NUP98: variants seen among roughly 807,000 people sequenced by gnomAD.
NUP98 encodes the protein nuclear pore complex protein Nup98-Nup96.
A neutral mutation model predicts 191.9 loss-of-function variants in NUP98; 26 were observed. The observed-to-expected ratio is 0.14, with a 90% CI of 0.10 to 0.19. The LOEUF is 0.19. NUP98 is among the 10% of genes least tolerant of loss of function. The pLI, the probability that NUP98 is intolerant of heterozygous loss-of-function variation, is 1.00. For missense variants in NUP98, 1,941 were observed against 2,178.8 expected, an observed-to-expected ratio of 0.89 and a Z score of 2.17; for synonymous variants, 808 against 778.4, an observed-to-expected ratio of 1.04 and a Z score of -0.63.
intron 24 of NUP98, 142 bp downstream of exon 24, chr11:3,700,468 C>T (rs538985687): frequency 7.3e-6 from 4 of 549,920 alleles, no homozygotes; most frequent in African/African-American, 5.8e-5. Context: ...TGGGAATCTG[C>T]TTAGTTAAAC....
At chr11:3,769,763 G>A (rs1032298590) in intron 7 of NUP98, among the ~76,000 whole-genome samples, 1 of 151,870 alleles carries the variant, frequency 6.6e-6, no homozygotes, top group East Asian at 1.9e-4. Flanking sequence ...AGGGCTGGAC[G>A]GCCAGCCATG....
At chr11:3,787,000 C>G (rs2082163786) in intron 1 of NUP98, among the ~76,000 whole-genome samples, 2 of 152,182 alleles carry the variant, frequency 1.3e-5, no homozygotes. Flanking sequence ...CTGTATAGTA[C>G]TTCCTACTTT....
intron 11 of NUP98, among the ~76,000 whole-genome samples, chr11:3,750,654 G>A (rs1589874911): frequency 6.6e-6 from 1 of 151,414 alleles, no homozygotes; most frequent in East Asian, 1.9e-4. Context: ...TTAGGACAGC[G>A]TCTCATTCTG....
chr11:3,705,083 A>G (rs2078818935), intron 22 of NUP98, 117 bp downstream of exon 22: 2 of 878,876 alleles, frequency 2.3e-6, no homozygotes, highest in Middle Eastern at 2.2e-4. Context: ...TGTCACAGGT[A>G]TAGTTGTTTG....
At chr11:3,702,362 CTCTCTCTA>C (rs1468745077) in intron 23 of NUP98, 93 bp downstream of exon 23, 24 of 608,650 alleles carry the variant, frequency 3.9e-5, no homozygotes, top group Non-Finnish European at 5.7e-5. Context: ...CTCTCTCTCT[CTCTCTCTA>C]GAAAGATGAC....
intron 13 of NUP98, 29 bp from the exon 14 acceptor site, chr11:3,731,607 T>C (rs938156560): frequency 1.3e-6 from 2 of 1,492,236 alleles, no homozygotes; most frequent in African/African-American, 1.4e-5. Flanking sequence ...AAGGAAATTT[T>C]TGGTTTACTT....
intron 26 of NUP98, among the ~76,000 whole-genome samples, chr11:3,695,205 A>C (rs1209503653): frequency 6.6e-6 from 1 of 152,240 alleles, no homozygotes; most frequent in East Asian, 1.9e-4. Context: ...TGTGAAGATA[A>C]AATTATTTAT....
chr11:3,781,843 A>G (rs1039235490), intron 2 of NUP98, among the ~76,000 whole-genome samples, 199 bp downstream of exon 2: 2 of 152,178 alleles, frequency 1.3e-5, no homozygotes, highest in Admixed American at 6.5e-5. Context: ...CAATCAGAAG[A>G]AGGCCATGAA....
chr11:3,774,114 G>C (rs972050828), intron 5 of NUP98, among the ~76,000 whole-genome samples: 2 of 152,158 alleles, frequency 1.3e-5, no homozygotes, highest in East Asian at 3.9e-4. Flanking sequence ...AAAAAAATAC[G>C]GAGGGCCAGG....
chr11:3,784,606 C>CCA (rs2082081886), intron 1 of NUP98, among the ~76,000 whole-genome samples: 1 of 93,530 alleles, frequency 1.1e-5, no homozygotes, highest in Non-Finnish European at 2.7e-5. Flanking sequence ...CAAAAAAAAA[C>CCA]AAAAAACATG....
At chr11:3,711,502 T>C (rs918229844) in intron 20 of NUP98, 4 of 152,862 alleles carry the variant, frequency 2.6e-5, no homozygotes, top group African/African-American at 9.7e-5. Context: ...AGAGGTTATC[T>C]TTAAGATCCT....
At chr11:3,775,209 T>C (rs1467914722) in intron 5 of NUP98, among the ~76,000 whole-genome samples, 1 of 152,176 alleles carries the variant, frequency 6.6e-6, no homozygotes, top group Non-Finnish European at 1.5e-5. Context: ...TACTCTTATT[T>C]GCCCCCTATT....
chr11:3,747,125 A>C (rs1429281847), intron 11 of NUP98, among the ~76,000 whole-genome samples: 2 of 152,194 alleles, frequency 1.3e-5, no homozygotes, highest in Admixed American at 1.3e-4. Flanking sequence ...TGATACAATA[A>C]AGTTCTGGTA....
At chr11:3,722,825 A>C (rs1345337593) in intron 16 of NUP98, among the ~76,000 whole-genome samples, 2 of 152,158 alleles carry the variant, frequency 1.3e-5, no homozygotes, top group African/African-American at 4.8e-5. Context: ...AAAAACAAAC[A>C]AACAAACAAA....
chr11:3,735,313 G>A lies in NUP98; in HGVS notation c.1420C>T (p.Pro474Ser). ...APQAPVALTD[P>S]NASAAQQAVL... ...GCCTGCTGGGCAGCAGAAGCATTTG[G>A]ATCTGTCAAAGCTTTTAAAAAAAAA... The change falls in exon 13 of 33, where the codon CCA becomes TCA. Residue 474 changes from proline (P) to serine (S), a missense_variant. Coordinates refer to ENST00000324932, the MANE Select transcript of NUP98 (RefSeq NM_016320.5). The A allele has an allele frequency of 6.6e-7, 1 of 1,525,972 alleles. No individual in the cohort carries two copies. The highest frequency in any genetic ancestry group is 8.8e-7 in the Non-Finnish European group (1 of 1,136,804). 94.5% of individuals were successfully genotyped at this position (1,525,972 alleles called of 1,614,324 possible).
At chr11:3,750,140 A>AT (rs901122633) in intron 11 of NUP98, among the ~76,000 whole-genome samples, 2 of 152,030 alleles carry the variant, frequency 1.3e-5, no homozygotes, top group African/African-American at 4.8e-5. Flanking sequence ...ATACTAAATA[A>AT]TTTTTTTTAG....
Position 3,723,405 on chromosome 11 carries a change from T to C in NUP98, c.1898A>G (p.Asp633Gly), listed in dbSNP as rs1442070484. 1.2e-6 allele frequency: 2 copies of C among 1,614,004 alleles called. No individual in the cohort carries two copies. Among genetic ancestry groups the C allele is most frequent in the East Asian group, 4.5e-5 (2 of 44,892 alleles). ...AAAATGTGAAACAAGGGAATCTTCA[T>C]CTCCATCCTGCTGGTGATTCTCATC... The part of the protein sequence containing the change: ...PVDENHQQDG[D>G]EDSLVSHFYT... Residue 633 changes from aspartate to glycine, a missense_variant, in exon 16 of 33, where the codon GAT becomes GGT. Around this residue, in one of 6 missense-constraint regions of NUP98, gnomAD observed 453 missense variants for 438.2 expected, o/e 1.03. Coordinates refer to ENST00000324932, the MANE Select transcript of NUP98 (RefSeq NM_016320.5).
intron 5 of NUP98, among the ~76,000 whole-genome samples, chr11:3,774,055 A>G (rs2081618636): frequency 6.6e-6 from 1 of 152,078 alleles, no homozygotes; most frequent in Non-Finnish European, 1.5e-5. Flanking sequence ...ATACCTTTAA[A>G]CCTCTATATC....
At chr11:3,689,034 G>C (rs2078224034) in intron 28 of NUP98, among the ~76,000 whole-genome samples, 5 of 151,850 alleles carry the variant, frequency 3.3e-5, no homozygotes, top group Admixed American at 3.3e-4. Context: ...AGGAGCTTGA[G>C]AACAGCCTGG....
Sources: allele counts gnomAD v4.1 joint callset (sites outside exome capture counted in the v4.1 genomes callset), GRCh38; gene constraint gnomAD v4.1.1; regional missense constraint gnomAD v4.1.1; transcripts MANE v1.5; gene names NCBI Gene and HGNC (gene_info 2026-07-23, HGNC 2026-07-21).